ZNF567: variants seen among roughly 807,000 people sequenced by gnomAD.
ZNF567 encodes zinc finger protein 567.
Under a neutral mutation model 53.9 loss-of-function variants are expected in ZNF567, and 36 were observed. The observed-to-expected ratio is 0.67, with a 90% CI of 0.51 to 0.88. The LOEUF is 0.88. ZNF567 is among the 40% of genes least tolerant of loss of function. ZNF567 has a pLI of 0.00. For missense variants in ZNF567, 619 were observed against 764.7 expected, an observed-to-expected ratio of 0.81 and a Z score of 2.25; for synonymous variants, 224 against 260.4, an observed-to-expected ratio of 0.86 and a Z score of 1.35.
chr19:36,692,830 A>C, intron 2 of ZNF567, among the ~76,000 whole-genome samples: 1 of 152,156 alleles, frequency 6.6e-6, no homozygotes, highest in Admixed American at 6.6e-5. Flanking sequence ...TAAATTTTAA[A>C]AAGAGCCTGC....
intron 2 of ZNF567, among the ~76,000 whole-genome samples, chr19:36,693,672 T>C (rs1247173013): frequency 5.9e-5 from 9 of 152,160 alleles, no homozygotes; most frequent in Admixed American, 5.9e-4. Context: ...GTTTTAAAAC[T>C]GATAACTGTA....
the ZNF567 span, among the ~76,000 whole-genome samples, chr19:36,681,181 G>A: frequency 8.5e-5 from 13 of 152,274 alleles, no homozygotes; most frequent in Admixed American, 8.5e-4. Context: ...GTCCAGGCTA[G>A]AGTGCAGTGG....
chr19:36,726,748 A>G (rs1006197421), downstream of ZNF567, among the ~76,000 whole-genome samples: 1 of 152,172 alleles, frequency 6.6e-6, no homozygotes, highest in South Asian at 2.1e-4. Flanking sequence ...TTACTGCTGC[A>G]TATGGGAATG....
chr19:36,723,279 A>C (rs996406043), downstream of ZNF567: 3 of 700,230 alleles, frequency 4.3e-6, no homozygotes, highest in Non-Finnish European at 7.8e-6. Context: ...GGGACATTCT[A>C]CTCCCCTTTG....
chr19:36,689,910 T>C (rs899581530), intron 2 of ZNF567, among the ~76,000 whole-genome samples: 1 of 152,174 alleles, frequency 6.6e-6, no homozygotes, highest in Non-Finnish European at 1.5e-5. Context: ...AAAATAACAG[T>C]CTCTTAAAAA....
intron 3 of ZNF567, among the ~76,000 whole-genome samples, chr19:36,699,350 T>C (rs1600518610): frequency 6.6e-6 from 1 of 152,310 alleles, no homozygotes; most frequent in African/African-American, 2.4e-5. Context: ...TGAAGTCAGG[T>C]AGCGTGATGC....
In ZNF567 at chr19:36,719,798, TCA is replaced by T; in HGVS notation, c.1078_1079del (p.Thr360GlyfsTer6). 1 of 1,614,162 alleles carries T rather than the reference TCA, an allele frequency of 6.2e-7. No individual in the cohort carries two copies. The highest frequency in any genetic ancestry group is 2.2e-5 in the East Asian group (1 of 44,874). On this transcript the variant is annotated frameshift_variant, in exon 6 of 6. Coordinates refer to ENST00000682579, the MANE Select transcript of ZNF567 (RefSeq NM_001322917.1). LOFTEE classifies it high-confidence loss of function. ...KSHLIRHQRT[H>X]TGEKPYECND... ...CACACCTCATTCGTCATCAGAGAAC[TCA>T]CACGGGAGAGAAACCATATGAGTGT...
At chr19:36,674,484 G>T in the ZNF567 span, among the ~76,000 whole-genome samples, 1 of 152,136 alleles carries the variant, frequency 6.6e-6, no homozygotes, top group East Asian at 1.9e-4. Flanking sequence ...TTGATGTTGG[G>T]TCTAAAGGGT....
chr19:36,699,748 C>T (rs2039077122), intron 3 of ZNF567, among the ~76,000 whole-genome samples: 1 of 151,786 alleles, frequency 6.6e-6, no homozygotes, highest in African/African-American at 2.4e-5. Flanking sequence ...TATAAGAATG[C>T]TTGTGATTTT....
Position 36,712,393 on chromosome 19 carries a change from T to A in ZNF567, c.17T>A (p.Val6Glu). ...CAGTTCCATCCATTCTAGGGATCAG[T>A]GTCTTTCAATGATGTGACTGTGGAC... Reference protein sequence around the residue: MAQGSVSFNDVTVDFT... With the variant: MAQGSESFNDVTVDFT... The change falls in exon 4 of 6, where the codon GTG becomes GAG. Residue 6 changes from valine to glutamate, a missense_variant. Val to Glu is a moderately radical substitution (Grantham distance 121, BLOSUM62 -2). Coordinates refer to ENST00000682579, the MANE Select transcript of ZNF567 (RefSeq NM_001322917.1). The A allele has an allele frequency of 6.2e-7, 1 of 1,613,740 alleles. No homozygotes were observed.
chr19:36,684,907 C>G (rs1011920926), upstream of ZNF567, among the ~76,000 whole-genome samples: 1 of 152,130 alleles, frequency 6.6e-6, no homozygotes, highest in Non-Finnish European at 1.5e-5. Context: ...CCTAAGAACC[C>G]TGAAGTTTCC....
intron 3 of ZNF567, among the ~76,000 whole-genome samples, chr19:36,709,565 A>G (rs117820272): frequency 0.019 from 2,881 of 152,154 alleles, 38 homozygotes; most frequent in Non-Finnish European, 0.029. Context: ...CCTGGCTTCA[A>G]GCAGTCTTCC....
At chr19:36,705,552 T>A (rs1186396172) in intron 3 of ZNF567, among the ~76,000 whole-genome samples, 4 of 152,234 alleles carry the variant, frequency 2.6e-5, no homozygotes, top group African/African-American at 9.6e-5. Flanking sequence ...CTATATGATG[T>A]CTTCCTAAAT....
chr19:36,708,768 G>A (rs1446028858), intron 3 of ZNF567, among the ~76,000 whole-genome samples: 1 of 152,038 alleles, frequency 6.6e-6, no homozygotes, highest in Non-Finnish European at 1.5e-5. Flanking sequence ...CATTCACTTC[G>A]TAATATGCAT....
At chr19:36,712,551 T>C in intron 4 of ZNF567, 39 bp downstream of exon 4, 1 of 1,612,704 alleles carries the variant, frequency 6.2e-7, no homozygotes. Context: ...TAGCATGCAC[T>C]TCCTCTCAAA....
At chr19:36,669,690 G>A in the ZNF567 span, among the ~76,000 whole-genome samples, 1 of 152,152 alleles carries the variant, frequency 6.6e-6, no homozygotes, top group African/African-American at 2.4e-5. Context: ...GGTCCCTTTT[G>A]GAAGACTGGG....
chr19:36,719,131 C>T lies in ZNF567; in HGVS notation c.407C>T (p.Thr136Ile), dbSNP rs747870650. 4.3e-6 allele frequency: 7 copies of T among 1,611,698 alleles called. No individual in the cohort carries two copies. In the Admixed American group the frequency reaches 8.4e-5, roughly 19 times the overall value. The change falls in exon 6 of 6, where the codon ACT (threonine) becomes ATT (isoleucine). Residue 136 changes from threonine (T) to isoleucine (I), a missense_variant. Thr to Ile is a moderately conservative substitution (Grantham distance 89). Coordinates refer to ENST00000682579, the MANE Select transcript of ZNF567 (RefSeq NM_001322917.1). ...AAAAATCTACCTCCTGAATATGATA[C>T]TCATGGAAGGATTTTGAAAAATGTT... ...NSKNLPPEYDTHGRILKNVSE... is the reference protein window; with the variant it reads ...NSKNLPPEYDIHGRILKNVSE...
chr19:36,684,542 T>C (rs961131394), upstream of ZNF567, among the ~76,000 whole-genome samples: 2 of 152,160 alleles, frequency 1.3e-5, no homozygotes, highest in Admixed American at 1.3e-4. Flanking sequence ...AGGTCCTAAA[T>C]CTAGAATCCT....
chr19:36,667,684 C>T, the ZNF567 span, among the ~76,000 whole-genome samples: 1 of 146,990 alleles, frequency 6.8e-6, no homozygotes, highest in Non-Finnish European at 1.5e-5. Context: ...CGGAGTCTCG[C>T]TGTCGCCCAG....
Sources: allele counts gnomAD v4.1 joint callset (sites outside exome capture counted in the v4.1 genomes callset), GRCh38; gene constraint gnomAD v4.1.1; transcripts MANE v1.5; gene names NCBI Gene and HGNC (gene_info 2026-07-23, HGNC 2026-07-21).